The following EPHA3 variants were observed in gnomAD, a reference collection of about 807,000 sequenced individuals.
EPHA3 encodes the protein EPH receptor A3, also known as ephrin type-A receptor 3.
EPHA3 carries 42 observed loss-of-function variants against 107.1 expected under a neutral mutation model. The observed-to-expected ratio is 0.39, with a 90% CI of 0.31 to 0.51. The LOEUF is 0.51. EPHA3 is among the 20% of genes least tolerant of loss of function. The pLI, the probability that EPHA3 is intolerant of heterozygous loss-of-function variation, is 0.78. For synonymous variants in EPHA3, 461 were observed against 424.8 expected, an observed-to-expected ratio of 1.09 and a Z score of -1.05; for missense variants, 1,183 against 1,211.2, an observed-to-expected ratio of 0.98 and a Z score of 0.35.
intron 5 of EPHA3, among the ~76,000 whole-genome samples, chr3:89,346,741 A>G (rs1185895103): frequency 6.7e-6 from 1 of 149,048 alleles, no homozygotes; most frequent in Non-Finnish European, 1.5e-5. Context: ...TAGGGTTTTT[A>G]TGGTTTTAGG....
At position 89,480,520 on chromosome 3, in the gene EPHA3, C is replaced by T. The variant is rs543910350; in HGVS notation, c.*1018C>T. 10 of 233,068 alleles carry T rather than the reference C, an allele frequency of 4.3e-5. No individual in the cohort carries two copies. In the South Asian group the frequency reaches 5.4e-4, roughly 13 times the overall value. 14.4% of individuals were successfully genotyped at this position (233,068 alleles called of 1,614,324 possible). ...CAACTCCCTCCTTTAGTGAAGGAGC[C>T]GTGTTAGAGCTTCCGAGAATAGCTC... is the stretch of plus-strand genomic sequence containing the variant. On this transcript the variant is annotated 3_prime_UTR_variant, in exon 17 of 17. Transcript: ENST00000336596.
chr3:89,417,825 T>C (rs1430617245), intron 10 of EPHA3, among the ~76,000 whole-genome samples: 1 of 151,486 alleles, frequency 6.6e-6, no homozygotes, highest in African/African-American at 2.4e-5. Flanking sequence ...CTATTATGAA[T>C]ATTTATTAAA....
intron 3 of EPHA3, among the ~76,000 whole-genome samples, chr3:89,238,226 G>A (rs974658555): frequency 3.9e-5 from 6 of 152,058 alleles, no homozygotes; most frequent in Admixed American, 1.3e-4. Flanking sequence ...AGGTAATTAC[G>A]CAGTATGGGG....
Position 89,471,646 on chromosome 3 carries a change from G to A in EPHA3, c.2691-818G>A, listed in dbSNP as rs563009920. Among the ~76,000 whole-genome samples, 172 of 152,240 alleles carry A rather than the reference G, an allele frequency of 1.1e-3. 1 individual carries two copies. Among genetic ancestry groups the A allele is most frequent in the East Asian group, 2.9e-3 (15 of 5,166 alleles). ...CCCAAAGTGCTGGGATTACAGGAGT[G>A]AGCCACTGCGCCCGGCCCTTTTTCT... On this transcript the variant is annotated intron_variant, in intron 15 of 16. Coordinates refer to ENST00000336596, the MANE Select transcript of EPHA3 (RefSeq NM_005233.6).
At chr3:89,354,198 C>G (rs1281445691) in intron 5 of EPHA3, among the ~76,000 whole-genome samples, 1 of 151,112 alleles carries the variant, frequency 6.6e-6, no homozygotes, top group Admixed American at 6.6e-5. Context: ...TAAATGTGTT[C>G]TACCTCCCTA....
chr3:89,312,330 A>C (rs1282105952), intron 3 of EPHA3, among the ~76,000 whole-genome samples: 1 of 151,274 alleles, frequency 6.6e-6, no homozygotes, highest in African/African-American at 2.4e-5. Flanking sequence ...GAGAAAGCTT[A>C]AAATGTGAGA....
intron 15 of EPHA3, among the ~76,000 whole-genome samples, chr3:89,468,720 AT>A (rs1441069817): frequency 6.6e-6 from 1 of 152,106 alleles, no homozygotes; most frequent in East Asian, 1.9e-4. Context: ...ATTCTTATCA[AT>A]TTTTTAGTGG....
At chr3:89,341,385 TA>T (rs1190000153) in intron 4 of EPHA3, among the ~76,000 whole-genome samples, 3 of 152,242 alleles carry the variant, frequency 2.0e-5, no homozygotes, top group East Asian at 3.9e-4. Flanking sequence ...TTTATGTTTT[TA>T]CATTTCTATT....
At chr3:89,413,020 C>A in intron 9 of EPHA3, 121 bp from the exon 10 acceptor site, 1 of 1,313,312 alleles carries the variant, frequency 7.6e-7, no homozygotes, top group Non-Finnish European at 1.0e-6. Context: ...ACAGAATAAA[C>A]TGAAGGTTGT....
At chr3:89,304,390 C>A (rs1442632594) in intron 3 of EPHA3, among the ~76,000 whole-genome samples, 2 of 151,918 alleles carry the variant, frequency 1.3e-5, no homozygotes, top group African/African-American at 2.4e-5. Flanking sequence ...AGAATTAAAG[C>A]CAAAATCCTT....
At chr3:89,368,759 A>G (rs1396992796) in intron 5 of EPHA3, among the ~76,000 whole-genome samples, 1 of 149,742 alleles carries the variant, frequency 6.7e-6, no homozygotes, top group African/African-American at 2.4e-5. Context: ...TCTTTACTCA[A>G]TCCATCTATT....
intron 5 of EPHA3, among the ~76,000 whole-genome samples, chr3:89,345,606 C>CTTTT (rs528144226): frequency 7.3e-6 from 1 of 136,652 alleles, no homozygotes; most frequent in Non-Finnish European, 1.6e-5. Context: ...GTGACAATTT[C>CTTTT]TTTTTTTTTT....
At chr3:89,385,798 C>T (rs1708606384) in intron 5 of EPHA3, among the ~76,000 whole-genome samples, 1 of 152,118 alleles carries the variant, frequency 6.6e-6, no homozygotes. Flanking sequence ...TTCCAAGAGA[C>T]TTGGGAGGCT....
intron 2 of EPHA3, among the ~76,000 whole-genome samples, chr3:89,131,354 C>T (rs1173188319): frequency 2.6e-5 from 4 of 152,090 alleles, no homozygotes; most frequent in Non-Finnish European, 5.9e-5. Flanking sequence ...GGAGAACAAT[C>T]AACACATATC....
At chr3:89,144,656 A>G (rs747304727) in intron 2 of EPHA3, among the ~76,000 whole-genome samples, 1 of 151,782 alleles carries the variant, frequency 6.6e-6, no homozygotes, top group Non-Finnish European at 1.5e-5. Flanking sequence ...TTATTTTTAC[A>G]ATACCATACT....
At chr3:89,416,634 A>G (rs772301731) in intron 10 of EPHA3, among the ~76,000 whole-genome samples, 2 of 151,424 alleles carry the variant, frequency 1.3e-5, no homozygotes, top group African/African-American at 2.4e-5. Flanking sequence ...TTGAATTAAT[A>G]TTAAGCATTT....
chr3:89,477,830 GAA>G (rs142585809), intron 16 of EPHA3, among the ~76,000 whole-genome samples: 1 of 147,688 alleles, frequency 6.8e-6, no homozygotes, highest in East Asian at 2.0e-4. Flanking sequence ...CAGAGTACGA[GAA>G]AAAAAAAAGA....
rs200290249 is a variant in EPHA3 at position 89,209,991 on chromosome 3, T to A, written c.285T>A (p.Ile95=). The change falls in exon 3 of 17, where the codon ATT becomes ATA. Residue 95 remains isoleucine, a synonymous_variant. Coordinates refer to ENST00000336596, the MANE Select transcript of EPHA3 (RefSeq NM_005233.6). The part of the protein sequence containing the change: ...NWVPRNSAQK[I]YVELKFTLRD... ...TCCCCAGGAACTCAGCTCAGAAGAT[T>A]TATGTGGAGCTCAAGTTCACTCTAC... is the stretch of plus-strand genomic sequence containing the variant. 4 of 1,613,860 alleles carry A rather than the reference T, an allele frequency of 2.5e-6. No individual in the cohort carries two copies. Among genetic ancestry groups the A allele is most frequent in the Non-Finnish European group, 3.4e-6 (4 of 1,179,888 alleles).
At chr3:89,126,339 C>A (rs1385639975) in intron 1 of EPHA3, among the ~76,000 whole-genome samples, 1 of 151,480 alleles carries the variant, frequency 6.6e-6, no homozygotes, top group African/African-American at 2.4e-5. Flanking sequence ...TTAAAGTGAA[C>A]CTTTTGTTAT....
Sources: gnomAD v4.1 joint callset for allele counts (sites outside exome capture counted in the v4.1 genomes callset) on GRCh38, gnomAD v4.1.1 for gene constraint, MANE v1.5 for transcripts, NCBI Gene and HGNC (gene_info 2026-07-23, HGNC 2026-07-21) for gene names.